Variants in ABCC4 observed in about 807,000 individuals in gnomAD.
ABCC4 encodes ATP binding cassette subfamily C member 4 (PEL blood group), also known as ATP-binding cassette sub-family C member 4.
ABCC4 carries 102 observed loss-of-function variants against 168.5 expected under a neutral mutation model. The ratio of observed to expected loss-of-function variants is 0.61; its 90% CI spans 0.52 to 0.71. ABCC4 has a LOEUF of 0.71. ABCC4 is among the 30% of genes least tolerant of loss of function. ABCC4 has a pLI of 0.00. For synonymous variants in ABCC4, 617 were observed against 590.7 expected (o/e 1.04, Z -0.65); for missense variants, 1,402 against 1,605.8 (o/e 0.87, Z 2.17).
intron 26 of ABCC4, among the ~76,000 whole-genome samples, chr13:95,060,661 C>T (rs903719044): frequency 6.6e-6 from 1 of 152,294 alleles, no homozygotes; most frequent in Non-Finnish European, 1.5e-5. Context: ...GGGAATCTAA[C>T]GTGCTAAACA....
intron 27 of ABCC4, among the ~76,000 whole-genome samples, chr13:95,052,210 A>C: frequency 6.6e-6 from 1 of 151,146 alleles, no homozygotes; most frequent in East Asian, 1.9e-4. Context: ...CAAACTTCTG[A>C]CCTCCAGTGA....
At chr13:95,213,500 G>A (rs771955483) in intron 4 of ABCC4, among the ~76,000 whole-genome samples, 5 of 152,148 alleles carry the variant, frequency 3.3e-5, no homozygotes, top group East Asian at 1.9e-4. Context: ...CTTTGCCAAC[G>A]GCTTCATAAG....
intron 4 of ABCC4, among the ~76,000 whole-genome samples, chr13:95,215,180 G>C (rs1030938874): frequency 5.3e-5 from 8 of 152,136 alleles, no homozygotes; most frequent in Admixed American, 5.2e-4. Flanking sequence ...CAACATTTTG[G>C]GAGGCTGAGG....
At chr13:95,254,408 C>CA (rs112148088) in intron 1 of ABCC4, among the ~76,000 whole-genome samples, 40,439 of 152,036 alleles carry the variant, frequency 0.27, 6,528 homozygotes, top group East Asian at 0.5. Context: ...AGGGCACATA[C>CA]AATACCCCTG....
At chr13:95,054,888 C>T (rs1189445) in intron 26 of ABCC4, among the ~76,000 whole-genome samples, 85,304 of 152,136 alleles carry the variant, frequency 0.56, 25,011 homozygotes, top group South Asian at 0.75. Flanking sequence ...CTTTCCCTAT[C>T]GTCTCCGTTT....
intron 4 of ABCC4, among the ~76,000 whole-genome samples, chr13:95,216,605 T>TCACCAAAAAAAAAAAAAAAAAACAAA (rs2039115542): frequency 3.0e-5 from 1 of 33,774 alleles, no homozygotes; most frequent in Non-Finnish European, 5.5e-5. Flanking sequence ...TGCAGGAAAT[T>TCACCAAAAAAAAAAAAAAAAAACAAA]CACAAAAAAA....
At chr13:95,272,035 T>C (rs563835660) in intron 1 of ABCC4, among the ~76,000 whole-genome samples, 1 of 148,906 alleles carries the variant, frequency 6.7e-6, no homozygotes, top group African/African-American at 2.6e-5. Flanking sequence ...TCCAGCATGT[T>C]CTTTAAGCAC....
At chr13:95,033,805 G>A (rs550784216) in intron 30 of ABCC4, among the ~76,000 whole-genome samples, 1 of 152,164 alleles carries the variant, frequency 6.6e-6, no homozygotes, top group East Asian at 1.9e-4. Flanking sequence ...GGGGTTACAG[G>A]CATGTGCTAC....
rs550398741 is a variant in ABCC4, at chr13:95,159,009, G to C, written c.2455+2180C>G. ...GAGGCAGGAGGATCGCTTGAGCCCA[G>C]GAGGTCAAGGCTACAGTGAGCTGTG... On this transcript the variant is annotated intron_variant, in intron 19 of 30. Transcript: ENST00000645237. Among the ~76,000 whole-genome samples, 125 of 149,378 alleles carry C rather than the reference G, an allele frequency of 8.4e-4. 1 individual carries two copies. Among genetic ancestry groups the C allele is most frequent in the Middle Eastern group, 3.2e-3 (1 of 310 alleles).
intron 1 of ABCC4, among the ~76,000 whole-genome samples, chr13:95,251,111 T>G (rs988172780): frequency 1.3e-5 from 2 of 152,128 alleles, no homozygotes; most frequent in African/African-American, 4.8e-5. Context: ...TAATGTGGTA[T>G]AAGAGGGAAA....
intron 19 of ABCC4, among the ~76,000 whole-genome samples, chr13:95,118,374 G>A (rs1398048717): frequency 6.6e-6 from 1 of 151,956 alleles, no homozygotes; most frequent in African/African-American, 2.4e-5. Flanking sequence ...CTCCCGCGTA[G>A]CTGAGATTAC....
At chr13:95,025,898 T>A (rs1201756720) in intron 30 of ABCC4, among the ~76,000 whole-genome samples, 1 of 151,700 alleles carries the variant, frequency 6.6e-6, no homozygotes, top group East Asian at 1.9e-4. Flanking sequence ...TGGTCAAAAG[T>A]GAAGTGGAAA....
At chr13:95,159,095 A>T (rs1282442165) in intron 19 of ABCC4, among the ~76,000 whole-genome samples, 2 of 49,558 alleles carry the variant, frequency 4.0e-5, no homozygotes, top group Non-Finnish European at 6.7e-5. Context: ...AATAAATTTT[A>T]TATATATATA....
At chr13:95,158,374 T>C (rs1256529267) in intron 19 of ABCC4, among the ~76,000 whole-genome samples, 1 of 152,098 alleles carries the variant, frequency 6.6e-6, no homozygotes, top group Non-Finnish European at 1.5e-5. Flanking sequence ...ACTGAGAATA[T>C]TCCAGCACAA....
intron 3 of ABCC4, among the ~76,000 whole-genome samples, chr13:95,236,513 A>T (rs191855235): frequency 2.0e-5 from 3 of 152,310 alleles, no homozygotes. Context: ...CGGGATCAGG[A>T]TATTTACAGA....
chr13:95,098,828 C>T (rs1190206171), intron 20 of ABCC4, among the ~76,000 whole-genome samples: 4 of 152,136 alleles, frequency 2.6e-5, no homozygotes, highest in Admixed American at 1.3e-4. Flanking sequence ...GCAAATGGAT[C>T]ATCTATACTC....
intron 19 of ABCC4, among the ~76,000 whole-genome samples, chr13:95,160,795 C>G (rs1246917259): frequency 6.6e-6 from 1 of 152,114 alleles, no homozygotes; most frequent in Non-Finnish European, 1.5e-5. Flanking sequence ...TACAAAGATC[C>G]CTCTGAAAAA....
At chr13:95,195,240 A>T (rs555220247) in intron 8 of ABCC4, among the ~76,000 whole-genome samples, 33 of 152,352 alleles carry the variant, frequency 2.2e-4, no homozygotes, top group South Asian at 2.1e-3. Context: ...GTGCATTGAC[A>T]GCCTGCATAG....
intron 3 of ABCC4, among the ~76,000 whole-genome samples, chr13:95,236,592 G>A (rs1042230162): frequency 3.2e-5 from 3 of 94,158 alleles, no homozygotes; most frequent in Non-Finnish European, 7.1e-5. Context: ...ATGTGAACGC[G>A]CGCGTGCGCG....
Sources: allele counts gnomAD v4.1 joint callset (sites outside exome capture counted in the v4.1 genomes callset), GRCh38; gene constraint gnomAD v4.1.1; transcripts MANE v1.5; gene names NCBI Gene and HGNC (gene_info 2026-07-23, HGNC 2026-07-21).